The following MALRD1 variants were observed in gnomAD, a reference collection of about 807,000 sequenced individuals.
The protein encoded by MALRD1 is MAM and LDL receptor class A domain containing 1.
Under a neutral mutation model 242.1 loss-of-function variants are expected in MALRD1, and 247 were observed. The observed-to-expected ratio is 1.02, with a 90% CI of 0.92 to 1.13. The LOEUF is 1.13. MALRD1 is among the 50% of genes most tolerant of loss of function. MALRD1 has a pLI of 0.00. For missense variants in MALRD1, 2,989 were observed against 2,533.1 expected, an observed-to-expected ratio of 1.18 and a Z score of -3.86; for synonymous variants, 995 against 866.6, an observed-to-expected ratio of 1.15 and a Z score of -2.60.
chr10:19,324,443 A>G (rs1843031750), intron 22 of MALRD1, among the ~76,000 whole-genome samples: 4 of 152,050 alleles, frequency 2.6e-5, no homozygotes, highest in Admixed American at 6.6e-5. Context: ...TAATATCTGG[A>G]TGTGTCTTCT....
intron 19 of MALRD1, among the ~76,000 whole-genome samples, chr10:19,260,063 CAAT>C (rs1839679995): frequency 6.6e-6 from 1 of 152,094 alleles, no homozygotes; most frequent in South Asian, 2.1e-4. Flanking sequence ...AGAGGAATGT[CAAT>C]AATTTTAGGT....
chr10:19,283,065 T>C lies in MALRD1; in HGVS notation c.3303T>C (p.Tyr1101=), dbSNP rs779412121. Residue 1101 remains tyrosine, a synonymous_variant, in exon 21 of 40, where the codon TAT becomes TAC. Coordinates refer to ENST00000454679, the MANE Select transcript of MALRD1 (RefSeq NM_001142308.3). ...AGAAAAGAAGCCTGTGTAAATGGTA[T>C]CAACCAATCCCAGTACATTTGCTTC... ...SFEKRSLCKW[Y]QPIPVHLLQD... The C allele has an allele frequency of 2.1e-5, 33 of 1,549,752 alleles. No individual in the cohort carries two copies. The Admixed American group carries it at 4.3e-4, about 20-fold the overall frequency.
At position 19,133,925 on chromosome 10, in the gene MALRD1, C is replaced by G; in HGVS notation, c.1180C>G (p.Pro394Ala). The G allele has an allele frequency of 8.1e-7, 1 of 1,228,366 alleles. No homozygotes were observed. The highest frequency in any genetic ancestry group is 1.6e-5 in the African/African-American group (1 of 64,194). 76.1% of individuals were successfully genotyped at this position (1,228,366 alleles called of 1,614,324 possible). A position where few individuals can be genotyped will look rare whatever the true frequency, so the allele number is the denominator to read the frequency against. ...SQWVKADVLI[P>A]EDLKTFKIIF... ...ATGGGTGAAAGCAGATGTGTTAATA[C>G]CAGAAGATCTGAAGACATTTAAGGT... Residue 394 changes from proline to alanine, a missense_variant, in exon 9 of 40, where the codon CCA becomes GCA. By Grantham distance (27) the Pro-to-Ala change is conservative. Coordinates refer to ENST00000454679, the MANE Select transcript of MALRD1 (RefSeq NM_001142308.3).
At chr10:19,347,018 A>T (rs1416208879) in intron 24 of MALRD1, among the ~76,000 whole-genome samples, 3 of 152,180 alleles carry the variant, frequency 2.0e-5, no homozygotes, top group Non-Finnish European at 2.9e-5. Flanking sequence ...AGTCCTAAAT[A>T]TATAAATGTA....
At chr10:19,199,406 T>C (rs533783116) in intron 14 of MALRD1, among the ~76,000 whole-genome samples, 2 of 152,340 alleles carry the variant, frequency 1.3e-5, no homozygotes, top group South Asian at 2.1e-4. Flanking sequence ...TTTAAGAGGA[T>C]AGCCTTTGCC....
chr10:19,303,365 A>G (rs187790373), intron 21 of MALRD1, among the ~76,000 whole-genome samples: 3 of 151,864 alleles, frequency 2.0e-5, no homozygotes, highest in East Asian at 3.9e-4. Flanking sequence ...GGTATCTCTT[A>G]TAACTTATTT....
intron 4 of MALRD1, among the ~76,000 whole-genome samples, chr10:19,101,355 G>A (rs1437709676): frequency 7.0e-6 from 1 of 142,038 alleles, no homozygotes; most frequent in African/African-American, 2.6e-5. Context: ...TATAATATAT[G>A]TAATTATATA....
chr10:19,048,325 A>T (rs974177777), upstream of MALRD1, among the ~76,000 whole-genome samples: 1 of 152,222 alleles, frequency 6.6e-6, no homozygotes, highest in African/African-American at 2.4e-5. Context: ...TTCTTAATTT[A>T]TCTCAAGAAG....
intron 27 of MALRD1, among the ~76,000 whole-genome samples, 192 bp downstream of exon 27, chr10:19,387,965 A>G (rs750120372): frequency 1.1e-4 from 17 of 152,138 alleles, no homozygotes; most frequent in Non-Finnish European, 2.4e-4. Flanking sequence ...GACTTAGACA[A>G]CAGACATTTA....
intron 21 of MALRD1, among the ~76,000 whole-genome samples, chr10:19,318,790 A>G (rs183932965): frequency 3.2e-4 from 48 of 152,116 alleles, no homozygotes; most frequent in African/African-American, 1.1e-3. Flanking sequence ...GTGCTTTATT[A>G]ATTTTAAATT....
Position 19,327,551 on chromosome 10 carries a change from T to G in MALRD1, c.3577-12T>G, listed in dbSNP as rs763020930. 3.9e-6 allele frequency: 6 copies of G among 1,538,162 alleles called. No individual in the cohort carries two copies. Among genetic ancestry groups the G allele is most frequent in the South Asian group, 1.2e-5 (1 of 83,512 alleles). ...AATACTTCAGTGCCTTTTACTTGATTTATCTCTATAGGTGCTCATCAAGAA... is the reference window on the plus strand; with the variant it reads ...AATACTTCAGTGCCTTTTACTTGATGTATCTCTATAGGTGCTCATCAAGAA... On this transcript the variant is annotated splice_polypyrimidine_tract_variant and intron_variant, in intron 22 of 39. Transcript: ENST00000454679.
chr10:19,715,583 C>T (rs1332368893), intron 38 of MALRD1, among the ~76,000 whole-genome samples: 1 of 152,000 alleles, frequency 6.6e-6, no homozygotes, highest in East Asian at 1.9e-4. Flanking sequence ...ATATTTGAAC[C>T]CCCAGTGCTT....
intron 35 of MALRD1, 88 bp from the exon 36 acceptor site, chr10:19,615,769 A>G (rs1839124855): frequency 1.9e-5 from 20 of 1,072,304 alleles, no homozygotes; most frequent in South Asian, 3.0e-5. Flanking sequence ...TAGAGATTAG[A>G]TTTAATGTAA....
At chr10:19,265,853 T>C (rs958209127) in intron 19 of MALRD1, among the ~76,000 whole-genome samples, 1 of 151,990 alleles carries the variant, frequency 6.6e-6, no homozygotes, top group Admixed American at 6.6e-5. Context: ...GCTGTCTCTT[T>C]CTCCCCTCAG....
intron 21 of MALRD1, among the ~76,000 whole-genome samples, chr10:19,319,404 C>G (rs1842830792): frequency 6.6e-6 from 1 of 152,092 alleles, no homozygotes; most frequent in African/African-American, 2.4e-5. Flanking sequence ...CAGTACTTCA[C>G]AAGAGCCACA....
intron 36 of MALRD1, among the ~76,000 whole-genome samples, chr10:19,666,510 A>G (rs1841691538): frequency 6.6e-6 from 1 of 152,108 alleles, no homozygotes. Context: ...ATTTTTACAT[A>G]TTTCATAATT....
intron 18 of MALRD1, among the ~76,000 whole-genome samples, chr10:19,234,644 G>A (rs571658365): frequency 4.0e-5 from 6 of 149,492 alleles, no homozygotes; most frequent in East Asian, 2.0e-4. Flanking sequence ...AAAAAAAAGC[G>A]CTAATTCATG....
At chr10:19,136,168 A>T in intron 9 of MALRD1, among the ~76,000 whole-genome samples, 1 of 142,924 alleles carries the variant, frequency 7.0e-6, no homozygotes, top group South Asian at 2.1e-4. Context: ...TCTATAAGTA[A>T]TGACAACACT....
intron 37 of MALRD1, 25 bp from the exon 38 acceptor site, chr10:19,692,433 C>A (rs1345857525): frequency 1.7e-5 from 26 of 1,532,810 alleles, no homozygotes; most frequent in Non-Finnish European, 2.1e-5. Context: ...GCATATTTAT[C>A]TTTTTCTTTG....
Sources: allele counts gnomAD v4.1 joint callset (sites outside exome capture counted in the v4.1 genomes callset), GRCh38; gene constraint gnomAD v4.1.1; transcripts MANE v1.5; gene names NCBI Gene and HGNC (gene_info 2026-07-23, HGNC 2026-07-21).